The following OXCT1 variants were observed in gnomAD, a reference collection of about 807,000 sequenced individuals.
The protein encoded by OXCT1 is succinyl-CoA:3-ketoacid coenzyme A transferase 1, mitochondrial.
In OXCT1, 27 loss-of-function variants were observed where a neutral mutation model predicts 69.6. The ratio of observed to expected loss-of-function variants is 0.39; its 90% CI spans 0.29 to 0.54. The LOEUF is 0.54. Among genes scored for constraint, OXCT1 ranks in the 20% least tolerant of loss-of-function variants. The pLI is 0.72. For synonymous variants in OXCT1, 202 were observed against 217.8 expected, an observed-to-expected ratio of 0.93 and a Z score of 0.64; for missense variants, 437 against 650.2, an observed-to-expected ratio of 0.67 and a Z score of 3.57.
At chr5:41,866,458 G>A (rs921380165) in intron 1 of OXCT1, among the ~76,000 whole-genome samples, 7 of 152,168 alleles carry the variant, frequency 4.6e-5, no homozygotes, top group Admixed American at 1.3e-4. Context: ...CACAGTTTGA[G>A]AAACAAAAGT....
chr5:41,739,208 AGTCAGAGCACAGCT>A (rs1743036651), intron 16 of OXCT1, among the ~76,000 whole-genome samples, 168 bp downstream of exon 16: 2 of 152,182 alleles, frequency 1.3e-5, no homozygotes, highest in Non-Finnish European at 2.9e-5. Flanking sequence ...TTGGCCAGTG[AGTCAGAGCACAGCT>A]CTGTTCCCAC....
chr5:41,862,224 A>C (rs983810347), intron 2 of OXCT1, among the ~76,000 whole-genome samples: 6 of 152,172 alleles, frequency 3.9e-5, no homozygotes, highest in Admixed American at 6.5e-5. Flanking sequence ...TCCAAACAAG[A>C]AGCAGCAATA....
intron 3 of OXCT1, among the ~76,000 whole-genome samples, chr5:41,855,019 G>A (rs533475757): frequency 6.6e-6 from 1 of 152,266 alleles, no homozygotes; most frequent in East Asian, 1.9e-4. Context: ...CAAAATTGGA[G>A]CCTCCCAAAT....
intron 7 of OXCT1, among the ~76,000 whole-genome samples, chr5:41,807,901 A>T (rs1165258684): frequency 3.3e-5 from 5 of 152,054 alleles, no homozygotes; most frequent in African/African-American, 7.2e-5. Flanking sequence ...ATAGATACAA[A>T]TGCTATTTGT....
Position 41,870,217 on chromosome 5 carries a change from G to A in OXCT1, c.78+64C>T. 7.8e-7 allele frequency: 1 copy of A among 1,274,274 alleles called. No individual in the cohort carries two copies. Among genetic ancestry groups the A allele is most frequent in the Non-Finnish European group, 1.1e-6 (1 of 873,308 alleles). The allele number at this position is 1,274,274 out of a possible 1,614,324, so 78.9% of individuals were successfully genotyped here. Reference sequence around the variant, plus strand: ...GGTAGGGGCAGAGAAGAAAACGCGGGCACCACTCAGGGTTTGGTCCACGTT... The same window carrying A: ...GGTAGGGGCAGAGAAGAAAACGCGGACACCACTCAGGGTTTGGTCCACGTT... On this transcript the variant is annotated intron_variant, in intron 1 of 16. Coordinates refer to ENST00000196371, the MANE Select transcript of OXCT1 (RefSeq NM_000436.4). This position sits in a 1 kb window ranked among gnomAD's most constrained non-coding sequence, Gnocchi z 4.2.
intron 5 of OXCT1, chr5:41,843,789 G>A (rs181431105): frequency 2.9e-5 from 8 of 276,420 alleles, no homozygotes; most frequent in Non-Finnish European, 5.2e-5. Flanking sequence ...ACTATGGTTT[G>A]AAACAAAACC....
intron 3 of OXCT1, 140 bp from the exon 4 acceptor site, chr5:41,853,694 A>G: frequency 1.1e-6 from 1 of 922,784 alleles, no homozygotes; most frequent in Non-Finnish European, 1.7e-6. Flanking sequence ...TTAGTCTCCC[A>G]TAACCCCAAA....
chr5:41,848,934 G>C (rs1749052263), intron 5 of OXCT1, among the ~76,000 whole-genome samples: 1 of 152,186 alleles, frequency 6.6e-6, no homozygotes. Context: ...ATTGACAAAT[G>C]GGGTCTAATT....
intron 15 of OXCT1, among the ~76,000 whole-genome samples, chr5:41,742,112 C>A (rs1037873255): frequency 6.6e-6 from 1 of 152,060 alleles, no homozygotes; most frequent in South Asian, 2.1e-4. Flanking sequence ...AAATTTAAGG[C>A]TTCAGTAATC....
At chr5:41,794,634 A>G in intron 12 of OXCT1, 43 bp downstream of exon 12, 4 of 1,555,930 alleles carry the variant, frequency 2.6e-6, no homozygotes, top group Non-Finnish European at 3.5e-6. Context: ...GACTCAGCTC[A>G]TTCCATACTG....
chr5:41,740,952 CTTT>C (rs70988866), intron 15 of OXCT1, among the ~76,000 whole-genome samples: 11 of 136,210 alleles, frequency 8.1e-5, no homozygotes, highest in Non-Finnish European at 7.8e-5. Flanking sequence ...GGCCTAGAAT[CTTT>C]TTTTTTTTTT....
At chr5:41,842,616 C>T in intron 6 of OXCT1, 59 bp downstream of exon 6, 1 of 1,170,218 alleles carries the variant, frequency 8.5e-7, no homozygotes, top group Non-Finnish European at 1.3e-6. Flanking sequence ...CAAATTCACT[C>T]TGATGTCCAT....
At chr5:41,829,032 T>C (rs967119147) in intron 7 of OXCT1, among the ~76,000 whole-genome samples, 7 of 152,222 alleles carry the variant, frequency 4.6e-5, no homozygotes, top group African/African-American at 1.4e-4. Context: ...AAAAATGTTC[T>C]ATACAACATG....
At chr5:41,866,556 A>T (rs1374078707) in intron 1 of OXCT1, among the ~76,000 whole-genome samples, 1 of 152,228 alleles carries the variant, frequency 6.6e-6, no homozygotes, top group Non-Finnish European at 1.5e-5. Context: ...ACAGACCTGC[A>T]GAGCACGGCA....
intron 4 of OXCT1, 128 bp downstream of exon 4, chr5:41,853,291 C>T: frequency 1.3e-6 from 1 of 784,090 alleles, no homozygotes; most frequent in Non-Finnish European, 2.1e-6. Flanking sequence ...GAGTTAGAAA[C>T]AAAATTCCCT....
chr5:41,758,532 G>C (rs1435781921), intron 14 of OXCT1, among the ~76,000 whole-genome samples: 1 of 151,700 alleles, frequency 6.6e-6, no homozygotes, highest in Admixed American at 6.6e-5. Context: ...TCTATCTATG[G>C]ATACAAGTGG....
chr5:41,796,667 A>G (rs1429941455), intron 11 of OXCT1, among the ~76,000 whole-genome samples: 1 of 152,210 alleles, frequency 6.6e-6, no homozygotes, highest in African/African-American at 2.4e-5. Context: ...CAAATGATAG[A>G]AATATTTTTG....
At chr5:41,794,573 G>A (rs1746084970) in intron 12 of OXCT1, 104 bp downstream of exon 12, 3 of 1,021,218 alleles carry the variant, frequency 2.9e-6, no homozygotes, top group African/African-American at 1.6e-5. Context: ...ATAGTTTTCT[G>A]GCTGGGAAAT....
intron 7 of OXCT1, among the ~76,000 whole-genome samples, chr5:41,818,183 G>A (rs929312668): frequency 1.3e-5 from 2 of 152,170 alleles, no homozygotes; most frequent in African/African-American, 4.8e-5. Flanking sequence ...CAGTTTCATG[G>A]AGAAGACAGG....
Sources: allele counts gnomAD v4.1 joint callset (sites outside exome capture counted in the v4.1 genomes callset), GRCh38; gene constraint gnomAD v4.1.1; non-coding constraint Gnocchi (gnomAD v3.1); transcripts MANE v1.5; gene names NCBI Gene and HGNC (gene_info 2026-07-23, HGNC 2026-07-21).